CPAMD8: variants seen among roughly 807,000 people sequenced by gnomAD.
CPAMD8 encodes the protein C3 and PZP-like alpha-2-macroglobulin domain-containing protein 8.
Under a neutral mutation model 224.7 loss-of-function variants are expected in CPAMD8, and 146 were observed. The observed-to-expected ratio is 0.65, with a 90% CI of 0.57 to 0.75. CPAMD8 has a LOEUF of 0.75. CPAMD8 is among the 30% of genes least tolerant of loss of function. CPAMD8 has a pLI of 0.00. For synonymous variants in CPAMD8, 966 were observed against 1,044.6 expected, an observed-to-expected ratio of 0.92 and a Z score of 1.45; for missense variants, 2,301 against 2,537.5, an observed-to-expected ratio of 0.91 and a Z score of 2.00.
intron 17 of CPAMD8, among the ~76,000 whole-genome samples, chr19:16,974,257 G>T (rs372463295): frequency 6.5e-4 from 98 of 151,678 alleles, no homozygotes; most frequent in African/African-American, 2.3e-3. Context: ...TCAGCCTCCC[G>T]AGTAGCTGGG....
intron 17 of CPAMD8, among the ~76,000 whole-genome samples, chr19:16,973,696 C>T (rs1406936932): frequency 7.2e-5 from 11 of 151,958 alleles, no homozygotes; most frequent in African/African-American, 2.2e-4. Flanking sequence ...CAATGGGACA[C>T]GCATTTGAGT....
intron 30 of CPAMD8, among the ~76,000 whole-genome samples, chr19:16,906,337 CCTTTCTTTCTTTCTTTCTTTCTTT>C (rs35867251): frequency 1.2e-3 from 94 of 81,726 alleles, no homozygotes; most frequent in East Asian, 3.4e-3. Flanking sequence ...TCCTTCTTTC[CCTTTCTTTCTTTCTTTCTTTCTTT>C]CTTTCTTTCT....
At chr19:16,900,342 A>G (rs2052202086) in intron 36 of CPAMD8, among the ~76,000 whole-genome samples, 1 of 152,120 alleles carries the variant, frequency 6.6e-6, no homozygotes, top group East Asian at 1.9e-4. Flanking sequence ...TCACATCTGT[A>G]ATCCCAGCAC....
rs55638415 is a variant in CPAMD8, at chr19:16,983,399, A to AAAATAAAT, written c.1396-2721_1396-2714dup. ...GGGTGACAGAGTGAGACTCCATCTC[A>AAAATAAAT]AAATAAATAAATAAATAAATAAATA... On this transcript the variant is annotated intron_variant, in intron 13 of 41. Coordinates refer to ENST00000443236, the MANE Select transcript of CPAMD8 (RefSeq NM_015692.5). Among the ~76,000 whole-genome samples, 219 of 150,386 alleles carry AAAATAAAT rather than the reference A, an allele frequency of 1.5e-3. 1 individual carries two copies. Among genetic ancestry groups the AAAATAAAT allele is most frequent in the African/African-American group, 5.1e-3 (207 of 40,680 alleles).
intron 27 of CPAMD8, among the ~76,000 whole-genome samples, chr19:16,921,207 T>C (rs2053160934): frequency 6.6e-6 from 1 of 152,144 alleles, no homozygotes; most frequent in Non-Finnish European, 1.5e-5. Context: ...CCTGGGATCC[T>C]GGCACTGTGA....
intron 22 of CPAMD8, among the ~76,000 whole-genome samples, chr19:16,940,335 A>G (rs931685321): frequency 1.3e-5 from 2 of 152,100 alleles, no homozygotes; most frequent in Non-Finnish European, 2.9e-5. Flanking sequence ...TATATAACAA[A>G]TCTCATTCTA....
intron 22 of CPAMD8, among the ~76,000 whole-genome samples, chr19:16,941,700 C>T (rs1286755284): frequency 6.6e-6 from 1 of 152,172 alleles, no homozygotes; most frequent in Non-Finnish European, 1.5e-5. Flanking sequence ...AGCGGCTGGG[C>T]ACGGTGGCTC....
chr19:17,017,454 A>C (rs960887821), intron 3 of CPAMD8, among the ~76,000 whole-genome samples: 4 of 152,178 alleles, frequency 2.6e-5, no homozygotes, highest in Non-Finnish European at 5.9e-5. Flanking sequence ...CCCTGGTGCC[A>C]AAAAGGTTGG....
At chr19:16,946,330 T>A (rs2054081976) in intron 21 of CPAMD8, among the ~76,000 whole-genome samples, 2 of 150,108 alleles carry the variant, frequency 1.3e-5, no homozygotes, top group Admixed American at 1.3e-4. Flanking sequence ...TGTGGATTTG[T>A]TTGTATATGT....
intron 18 of CPAMD8, among the ~76,000 whole-genome samples, chr19:16,959,961 C>T (rs1175291918): frequency 2.0e-5 from 3 of 152,142 alleles, no homozygotes; most frequent in Admixed American, 2.0e-4. Flanking sequence ...TTGGCAGAGT[C>T]CATCTTTAAA....
chr19:16,903,620 G>A lies in CPAMD8; in HGVS notation c.4411C>T (p.Pro1471Ser). The A allele has an allele frequency of 1.2e-6, 2 of 1,614,084 alleles. No individual in the cohort carries two copies. Among genetic ancestry groups the A allele is most frequent in the Non-Finnish European group, 1.7e-6 (2 of 1,180,020 alleles). Residue 1471 changes from proline (P) to serine (S), a missense_variant, in exon 34 of 42, where the codon CCC (proline) becomes TCC (serine). By Grantham distance (74) the Pro-to-Ser change is moderately conservative. Transcript: ENST00000443236. ...NQKVLQTAAI[P>S]SLPTGLFVSA... is the part of the protein sequence containing the mutation. ...ACAAACAGCCCCGTGGGGAGGCTGG[G>A]GATCTGGAGACAGAAGTCACCGTGA...
intron 19 of CPAMD8, among the ~76,000 whole-genome samples, chr19:16,955,482 G>A (rs565570299): frequency 6.6e-6 from 1 of 152,294 alleles, no homozygotes; most frequent in African/African-American, 2.4e-5. Flanking sequence ...GGGAAGGGAA[G>A]AGAGGGGAGT....
chr19:16,978,000 T>C (rs10413454), intron 14 of CPAMD8, among the ~76,000 whole-genome samples: 13,006 of 152,118 alleles, frequency 0.085, 1,025 homozygotes, highest in African/African-American at 0.2. Context: ...ACCGAGTTCA[T>C]ACTGCCTTCC....
chr19:16,893,319 G>A lies in CPAMD8; in HGVS notation c.5447C>T (p.Pro1816Leu), dbSNP rs1335199620. Residue 1816 changes from proline to leucine, a missense_variant, in exon 42 of 42, where the codon CCT (proline) becomes CTT (leucine). By Grantham distance (98) the Pro-to-Leu change is moderately conservative (BLOSUM62 -3). Transcript: ENST00000443236. ...TTCCAGGTTCCCGCTGCTCACAGGA[G>A]GCCGAGGCCCGGCTGTGACCCTGGA... The part of the protein sequence containing the change: ...AEDRVTAGPR[P>L]PVSSGNLESS... 1 of 1,539,772 alleles carries A rather than the reference G, an allele frequency of 6.5e-7. No homozygotes were observed. The highest frequency in any genetic ancestry group is 1.2e-5 in the South Asian group (1 of 84,364).
chr19:16,955,880 T>C (rs908645747), intron 19 of CPAMD8, among the ~76,000 whole-genome samples: 2 of 151,898 alleles, frequency 1.3e-5, no homozygotes, highest in Admixed American at 1.3e-4. Context: ...CCTTGCTATG[T>C]TGCCCAGGCT....
At position 16,957,913 on chromosome 19, in the gene CPAMD8, G is replaced by T; in HGVS notation, c.2216C>A (p.Thr739Lys). Residue 739 changes from threonine (T) to lysine (K), a missense_variant and splice_region_variant, in exon 19 of 42, where the codon ACA (threonine) becomes AAA (lysine). This residue lies in a region of CPAMD8 where 1,709 missense variants were observed against 1,753.2 expected (regional missense o/e 0.97). Transcript: ENST00000443236. ...GAAGAAAGTCCTTTTTCTCTTCTCT[G>T]TTCTATGAAAAGAAAAAAAGAAACG... Reference protein sequence around the residue: ...AVAPSRHPPRTEKRKRTFFPE... With the variant: ...AVAPSRHPPRKEKRKRTFFPE... 6.2e-7 allele frequency: 1 copy of T among 1,612,920 alleles called. No homozygotes were observed. Among genetic ancestry groups the T allele is most frequent in the Non-Finnish European group, 8.5e-7 (1 of 1,179,484 alleles).
At position 16,896,213 on chromosome 19, in the gene CPAMD8, C is replaced by T; in HGVS notation, c.5389G>A (p.Asp1797Asn). The T allele has an allele frequency of 6.2e-7, 1 of 1,613,878 alleles. No individual in the cohort carries two copies. The highest frequency in any genetic ancestry group is 8.5e-7 in the Non-Finnish European group (1 of 1,179,998). Reference sequence around the variant, plus strand: ...TCCCCTTCAGGCTCAGGGTCTGAGTCCTCCACCTCAAGGCCGGCTCCATTC... The same window carrying T: ...TCCCCTTCAGGCTCAGGGTCTGAGTTCTCCACCTCAAGGCCGGCTCCATTC... Reference protein sequence around the residue: ...KLNGAGLEVEDSDPEPEGEAE... With the variant: ...KLNGAGLEVENSDPEPEGEAE... The change falls in exon 41 of 42, where the codon GAC becomes AAC. Residue 1797 changes from aspartate (D) to asparagine (N), a missense_variant. Asp to Asn is a conservative substitution (Grantham distance 23). Coordinates refer to ENST00000443236, the MANE Select transcript of CPAMD8 (RefSeq NM_015692.5).
At chr19:16,919,284 C>T (rs561750617) in intron 27 of CPAMD8, among the ~76,000 whole-genome samples, 1 of 152,252 alleles carries the variant, frequency 6.6e-6, no homozygotes, top group East Asian at 1.9e-4. Flanking sequence ...ACAAAAGGCG[C>T]TATGGCATCC....
intron 14 of CPAMD8, among the ~76,000 whole-genome samples, chr19:16,978,692 G>A (rs1387006022): frequency 6.6e-6 from 1 of 152,118 alleles, no homozygotes; most frequent in African/African-American, 2.4e-5. Flanking sequence ...TGTTGACAGT[G>A]CAGAGGGTGA....
Sources: gnomAD v4.1 joint callset for allele counts (sites outside exome capture counted in the v4.1 genomes callset) on GRCh38, gnomAD v4.1.1 for gene constraint, gnomAD v4.1.1 regional missense constraint, MANE v1.5 for transcripts, NCBI Gene and HGNC (gene_info 2026-07-23, HGNC 2026-07-21) for gene names.